Variants in CLPX observed in about 807,000 individuals in gnomAD.
CLPX encodes the protein caseinolytic mitochondrial matrix peptidase chaperone subunit X.
CLPX carries 34 observed loss-of-function variants against 76.4 expected under a neutral mutation model. The ratio of observed to expected loss-of-function variants is 0.45; its 90% confidence interval spans 0.34 to 0.59. The LOEUF is 0.59. CLPX is among the 20% of genes least tolerant of loss of function. The pLI, the probability that CLPX is intolerant of heterozygous loss-of-function variation, is 0.01. For missense variants in CLPX, 613 were observed against 757.0 expected, an observed-to-expected ratio of 0.81 and a Z score of 2.23; for synonymous variants, 248 against 270.9, an observed-to-expected ratio of 0.92 and a Z score of 0.83.
intron 1 of CLPX, among the ~76,000 whole-genome samples, chr15:65,180,796 C>T (rs1002075443): frequency 4.0e-5 from 6 of 151,042 alleles, no homozygotes; most frequent in Non-Finnish European, 7.4e-5. Flanking sequence ...CCCAGCTACT[C>T]GGGAGGCTGA....
Position 65,185,265 on chromosome 15 carries a change from A to G in CLPX, c.-112T>C. 1 of 853,104 alleles carries G rather than the reference A, an allele frequency of 1.2e-6. No individual in the cohort carries two copies. The highest frequency in any genetic ancestry group is 1.9e-6 in the Non-Finnish European group (1 of 539,836). The allele number at this position is 853,104 out of a possible 1,614,324, so 52.8% of individuals were successfully genotyped here. ...GGTTCCGAACCCTTTCGCGGGCCCT[A>G]GACCCCGTGGAGAGTTCACCTGCCC... On this transcript the variant is annotated 5_prime_UTR_variant, in exon 1 of 14. Transcript: ENST00000300107.
intron 3 of CLPX, among the ~76,000 whole-genome samples, chr15:65,167,837 G>A (rs1212439955): frequency 6.6e-6 from 1 of 151,796 alleles, no homozygotes; most frequent in Non-Finnish European, 1.5e-5. Context: ...GCAGTGAGCT[G>A]AGATTGCGCC....
At chr15:65,182,533 T>C (rs1566988218) in intron 1 of CLPX, among the ~76,000 whole-genome samples, 1 of 152,220 alleles carries the variant, frequency 6.6e-6, no homozygotes, top group South Asian at 2.1e-4. Context: ...TAATGTGATA[T>C]GAAAATATTT....
rs369359880 is a variant in CLPX at position 65,165,219 on chromosome 15, T to C, written c.514-1031A>G. Among the ~76,000 whole-genome samples, 20 of 152,122 alleles carry C rather than the reference T, an allele frequency of 1.3e-4. No individual in the cohort carries two copies. The East Asian group carries it at 3.7e-3, about 28-fold the overall frequency. On this transcript the variant is annotated intron_variant, in intron 4 of 13. Transcript: ENST00000300107. The stretch of plus-strand genomic sequence containing the variant: ...GGTAGACACCTGCAGTCCCAGCTAC[T>C]GTGGAGGCTGAAGTGGGAGGATCAC...
In CLPX at chr15:65,178,971, T is replaced by C. The variant is rs144019090; in HGVS notation, c.321A>G (p.Lys107=). The change falls in exon 3 of 14, where the codon AAA becomes AAG. Residue 107 remains lysine (K), a synonymous_variant. Coordinates refer to ENST00000300107, the MANE Select transcript of CLPX (RefSeq NM_006660.5). The part of the protein sequence containing the change: ...GKGGNQLRCP[K]CGDLCTHVET... ...CTACATGTGTGCACAAGTCGCCACA[T>C]TTAGGACAGCGCAGCTGGTTTCCAC... 250 of 1,610,304 alleles carry C rather than the reference T, an allele frequency of 1.6e-4. No homozygotes were observed. The highest frequency in any genetic ancestry group is 1.9e-4 in the Non-Finnish European group (228 of 1,177,444).
chr15:65,150,772 T>A lies in CLPX; in HGVS notation c.*51A>T, dbSNP rs1343043338. 1 of 1,272,034 alleles carries A rather than the reference T, an allele frequency of 7.9e-7. No homozygotes were observed. The highest frequency in any genetic ancestry group is 1.1e-6 in the Non-Finnish European group (1 of 880,974). 78.8% of individuals were successfully genotyped at this position (1,272,034 alleles called of 1,614,324 possible). On this transcript the variant is annotated 3_prime_UTR_variant, in exon 14 of 14. Transcript: ENST00000300107. ...TATCAGACTGTAGAGACAATTATGA[T>A]CCTAAACAAAAGAAGGAAAAGCTGT...
At chr15:65,153,410 C>T (rs138096652) in intron 12 of CLPX, 137 bp downstream of exon 12, 7 of 610,630 alleles carry the variant, frequency 1.1e-5, no homozygotes, top group African/African-American at 7.9e-5. Context: ...GAGCCAAGAT[C>T]GCACCACTGC....
intron 3 of CLPX, among the ~76,000 whole-genome samples, chr15:65,176,246 T>C (rs1484412375): frequency 6.6e-6 from 1 of 152,226 alleles, no homozygotes; most frequent in African/African-American, 2.4e-5. Context: ...TTTGGGAATC[T>C]CTAAGTTTAA....
At chr15:65,175,689 G>T (rs893924961) in intron 3 of CLPX, among the ~76,000 whole-genome samples, 1 of 152,020 alleles carries the variant, frequency 6.6e-6, no homozygotes, top group African/African-American at 2.4e-5. Flanking sequence ...TCCTTTAAGC[G>T]TCATGACGCA....
Position 65,166,844 on chromosome 15 carries a change from A to C in CLPX, c.359-59T>G, listed in dbSNP as rs1595941673. ...TAAAAAATAATTCCAATAGTGTTTA[A>C]CCTTAAAGACTCCACTGTAAATGAA... On this transcript the variant is annotated intron_variant, in intron 3 of 13. Transcript: ENST00000300107. The C allele has an allele frequency of 1.5e-5, 23 of 1,504,310 alleles. No homozygotes were observed. The East Asian group carries it at 5.0e-4, about 33-fold the overall frequency. The allele number at this position is 1,504,310 out of a possible 1,614,324, so 93.2% of individuals were successfully genotyped here.
chr15:65,169,476 T>C (rs112046805), intron 3 of CLPX, among the ~76,000 whole-genome samples: 3 of 152,164 alleles, frequency 2.0e-5, no homozygotes, highest in African/African-American at 7.2e-5. Flanking sequence ...CCCAGCACTT[T>C]GGAAGGCCAA....
At chr15:65,177,996 G>A (rs549826212) in intron 3 of CLPX, among the ~76,000 whole-genome samples, 3 of 152,220 alleles carry the variant, frequency 2.0e-5, no homozygotes, top group Non-Finnish European at 2.9e-5. Context: ...GTTTTGCCAT[G>A]TTGCTCAGGC....
At chr15:65,168,261 G>A (rs892594345) in intron 3 of CLPX, among the ~76,000 whole-genome samples, 2 of 150,658 alleles carry the variant, frequency 1.3e-5, no homozygotes, top group African/African-American at 4.9e-5. Flanking sequence ...GTGGGCGCCT[G>A]TAGTCCCAGC....
chr15:65,179,167 T>C (rs767885659), intron 2 of CLPX, 116 bp from the exon 3 acceptor site: 16 of 573,170 alleles, frequency 2.8e-5, no homozygotes, highest in Non-Finnish European at 4.9e-5. Context: ...ATTTCTAGGA[T>C]GAAATTATTA....
intron 13 of CLPX, among the ~76,000 whole-genome samples, chr15:65,151,456 G>GAA (rs529752332): frequency 0.032 from 2,395 of 74,078 alleles, 120 homozygotes; most frequent in East Asian, 0.05. Context: ...ATTACTGGGA[G>GAA]AAAAAAAAAA....
rs1271781360 is a variant in CLPX, at chr15:65,148,686, T to C, written c.*2137A>G. 1 of 152,006 alleles carries C rather than the reference T, an allele frequency of 6.6e-6. No homozygotes were observed. Among genetic ancestry groups the C allele is most frequent in the East Asian group, 1.9e-4 (1 of 5,200 alleles). 9.4% of individuals were successfully genotyped at this position (152,006 alleles called of 1,614,324 possible). ...TTTAGAATTTCCTAATAGCTTTAGT[T>C]TTTCCCTAAAAAAAACTGTGTAAAA... On this transcript the variant is annotated 3_prime_UTR_variant, in exon 14 of 14. Coordinates refer to ENST00000300107, the MANE Select transcript of CLPX (RefSeq NM_006660.5).
At chr15:65,154,189 A>G (rs896685717) in intron 11 of CLPX, among the ~76,000 whole-genome samples, 3 of 152,190 alleles carry the variant, frequency 2.0e-5, no homozygotes, top group African/African-American at 7.2e-5. Flanking sequence ...GAGGAAGATA[A>G]TGATATTTTG....
Position 65,154,791 on chromosome 15 carries a change from GCTGAA to G in CLPX, c.1597_1601del (p.Phe533HisfsTer3). 1.2e-6 allele frequency: 2 copies of G among 1,602,732 alleles called. No individual in the cohort carries two copies. Among genetic ancestry groups the G allele is most frequent in the Non-Finnish European group, 1.7e-6 (2 of 1,170,516 alleles). ...AAAATAAAAATCTAACCTTATCCAT[GCTGAA>G]TAAGGCCTGGTACTGAGGAATAACA... On this transcript the variant is annotated frameshift_variant, in exon 11 of 14. Transcript: ENST00000300107. LOFTEE classifies it high-confidence loss of function.
At position 65,149,283 on chromosome 15, in the gene CLPX, G is replaced by C; in HGVS notation, c.*1540C>G. The C allele has an allele frequency of 5.6e-6, 1 of 178,182 alleles. No individual in the cohort carries two copies. Among genetic ancestry groups the C allele is most frequent in the South Asian group, 1.1e-4 (1 of 9,168 alleles). The allele number at this position is 178,182 out of a possible 1,614,324, so 11.0% of individuals were successfully genotyped here. A position where few individuals can be genotyped will look rare whatever the true frequency, so the allele number is the denominator to read the frequency against. On this transcript the variant is annotated 3_prime_UTR_variant, in exon 14 of 14. Coordinates refer to ENST00000300107, the MANE Select transcript of CLPX (RefSeq NM_006660.5). The stretch of plus-strand genomic sequence containing the variant: ...GCCTGAGCTCAGGAGAGACCAGCCT[G>C]GGCAACATGGCGAAACCCCGTCTCT...
Sources: allele counts gnomAD v4.1 joint callset (sites outside exome capture counted in the v4.1 genomes callset), GRCh38; gene constraint gnomAD v4.1.1; transcripts MANE v1.5; gene names NCBI Gene and HGNC (gene_info 2026-07-23, HGNC 2026-07-21).